The following HSD17B12 variants were observed in gnomAD, a reference collection of about 807,000 sequenced individuals.
HSD17B12 encodes very-long-chain 3-oxoacyl-CoA reductase.
Under a neutral mutation model 39.3 loss-of-function variants are expected in HSD17B12, and 32 were observed. The observed-to-expected ratio is 0.81, with a 90% confidence interval of 0.61 to 1.09. HSD17B12 has a LOEUF of 1.09. Among genes scored for constraint, HSD17B12 ranks in the 50% least tolerant of loss-of-function variants. The pLI is 0.00. For synonymous variants in HSD17B12, 150 were observed against 146.7 expected (o/e 1.02, Z -0.16); for missense variants, 342 against 382.9 (o/e 0.89, Z 0.89).
intron 3 of HSD17B12, among the ~76,000 whole-genome samples, chr11:43,771,602 G>A (rs1000055600): frequency 1.3e-5 from 2 of 151,542 alleles, no homozygotes; most frequent in African/African-American, 4.9e-5. Context: ...CAGTAACTGG[G>A]ATTAAAGACA....
chr11:43,735,370 AT>A (rs1223205475), intron 1 of HSD17B12, among the ~76,000 whole-genome samples: 6 of 152,214 alleles, frequency 3.9e-5, no homozygotes, highest in African/African-American at 1.4e-4. Context: ...TGGCTGCACC[AT>A]TTTATAGTTC....
chr11:43,710,607 T>C (rs1590681475), intron 1 of HSD17B12, among the ~76,000 whole-genome samples: 1 of 152,218 alleles, frequency 6.6e-6, no homozygotes, highest in East Asian at 1.9e-4. Flanking sequence ...TTTTAAGATC[T>C]GATTCATTCT....
intron 1 of HSD17B12, among the ~76,000 whole-genome samples, chr11:43,733,240 G>A (rs569710334): frequency 4.6e-5 from 7 of 152,302 alleles, no homozygotes; most frequent in African/African-American, 1.2e-4. Context: ...GTATTGTATC[G>A]TTGGGTTTAT....
chr11:43,591,120 T>C, the HSD17B12 span, among the ~76,000 whole-genome samples: 1 of 152,178 alleles, frequency 6.6e-6, no homozygotes, highest in African/African-American at 2.4e-5. Context: ...AATTCTCTTA[T>C]GCCTAATTAA....
At chr11:43,623,528 G>T in the HSD17B12 span, among the ~76,000 whole-genome samples, 1 of 151,844 alleles carries the variant, frequency 6.6e-6, no homozygotes, top group East Asian at 1.9e-4. Context: ...ATGTTTAACA[G>T]ATTAAACCAT....
intron 4 of HSD17B12, among the ~76,000 whole-genome samples, chr11:43,799,969 A>C (rs1322337486): frequency 6.6e-6 from 1 of 152,208 alleles, no homozygotes; most frequent in Non-Finnish European, 1.5e-5. Flanking sequence ...CAATAGGTAA[A>C]AATGAATGCA....
At chr11:43,651,592 G>C in the HSD17B12 span, among the ~76,000 whole-genome samples, 69 of 152,298 alleles carry the variant, frequency 4.5e-4, no homozygotes, top group African/African-American at 1.6e-3. Flanking sequence ...TTGATTGATT[G>C]ATTGATTGAG....
At position 43,731,111 on chromosome 11, in the gene HSD17B12, C is replaced by T. The variant is rs375339226; in HGVS notation, c.161-19800C>T. 7.9e-5 allele frequency among the ~76,000 whole-genome samples: 12 copies of T among 152,246 alleles called. No homozygotes were observed. The East Asian group carries it at 1.5e-3, about 20-fold the overall frequency. Reference sequence around the variant, plus strand: ...TCCCGGGTTCAAGCGATTCTCCTGCCTCAGCCTCCCAAGTAGCTGAGATTA... The same window carrying T: ...TCCCGGGTTCAAGCGATTCTCCTGCTTCAGCCTCCCAAGTAGCTGAGATTA... On this transcript the variant is annotated intron_variant, in intron 1 of 10. Coordinates refer to ENST00000278353, the MANE Select transcript of HSD17B12 (RefSeq NM_016142.3).
At chr11:43,766,034 C>G (rs1027427321) in intron 3 of HSD17B12, among the ~76,000 whole-genome samples, 8 of 152,166 alleles carry the variant, frequency 5.3e-5, no homozygotes, top group African/African-American at 1.4e-4. Flanking sequence ...ACCATGTTAG[C>G]CAAGATGGTC....
chr11:43,635,003 G>C, the HSD17B12 span, among the ~76,000 whole-genome samples: 1 of 152,130 alleles, frequency 6.6e-6, no homozygotes, highest in Admixed American at 6.5e-5. Flanking sequence ...AAATGTCCTT[G>C]TGCAAGATGA....
chr11:43,779,547 A>G (rs1950744064), intron 3 of HSD17B12, among the ~76,000 whole-genome samples: 1 of 152,210 alleles, frequency 6.6e-6, no homozygotes, highest in African/African-American at 2.4e-5. Flanking sequence ...TTGTGGCCCG[A>G]GATACCTTGC....
chr11:43,824,401 C>T (rs1045961870), intron 6 of HSD17B12, among the ~76,000 whole-genome samples: 1 of 152,138 alleles, frequency 6.6e-6, no homozygotes, highest in African/African-American at 2.4e-5. Context: ...TAACAAAATA[C>T]CTTAGATTGG....
At chr11:43,609,297 A>G in the HSD17B12 span, among the ~76,000 whole-genome samples, 2 of 149,660 alleles carry the variant, frequency 1.3e-5, no homozygotes, top group Non-Finnish European at 3.0e-5. Flanking sequence ...TATGATGAAT[A>G]TAATTTAGTA....
At chr11:43,853,904 A>G (rs1951557462) in intron 9 of HSD17B12, 1 of 152,242 alleles carries the variant, frequency 6.6e-6, no homozygotes, top group South Asian at 2.1e-4. Context: ...ATTTCAAACT[A>G]CAGAAGGACC....
the HSD17B12 span, chr11:43,556,867 C>T: frequency 1.3e-5 from 2 of 151,694 alleles, no homozygotes; most frequent in African/African-American, 2.4e-5. Context: ...TCACCTCCCC[C>T]ACCCCCTCAC....
the HSD17B12 span, among the ~76,000 whole-genome samples, chr11:43,584,329 C>T: frequency 5.3e-5 from 8 of 152,200 alleles, no homozygotes; most frequent in African/African-American, 1.9e-4. Context: ...GCCATCTTCT[C>T]TGTCCTGGGG....
At chr11:43,578,769 G>T in the HSD17B12 span, 3 of 151,838 alleles carry the variant, frequency 2.0e-5, no homozygotes, top group African/African-American at 2.4e-5. Context: ...GCGGTGGTTG[G>T]GGGGAGGTGT....
the HSD17B12 span, among the ~76,000 whole-genome samples, chr11:43,646,849 AC>A: frequency 3.9e-5 from 6 of 152,204 alleles, no homozygotes; most frequent in East Asian, 1.2e-3. Context: ...TGTGTAATAT[AC>A]AAAGGCAACA....
chr11:43,673,492 C>CTTTTCTTTTTTTTTTTTTTTTTT, the HSD17B12 span: 8 of 83,874 alleles, frequency 9.5e-5, no homozygotes, highest in Non-Finnish European at 1.7e-4. Flanking sequence ...CTTTTCTTTT[C>CTTTTCTTTTTTTTTTTTTTTTTT]TTTTTTTTTT....
Sources: gnomAD v4.1 joint callset for allele counts (sites outside exome capture counted in the v4.1 genomes callset) on GRCh38, gnomAD v4.1.1 for gene constraint, MANE v1.5 for transcripts, NCBI Gene and HGNC (gene_info 2026-07-23, HGNC 2026-07-21) for gene names.